The following CBFA2T3 variants were observed in gnomAD, a reference collection of about 807,000 sequenced individuals.
The protein encoded by CBFA2T3 is transcriptional corepressor CBFA2T3.
A neutral mutation model predicts 58.6 loss-of-function variants in CBFA2T3; 31 were observed. The ratio of observed to expected loss-of-function variants is 0.53; its 90% CI spans 0.40 to 0.71. The LOEUF (loss-of-function observed/expected upper bound fraction) is 0.71, where lower values mean the gene tolerates loss of function less well. Ranked by LOEUF, CBFA2T3 falls within the 30% of genes least tolerant of loss-of-function variation. The pLI, the probability that CBFA2T3 is intolerant of heterozygous loss-of-function variation, is 0.00. For missense variants in CBFA2T3, 1,076 were observed against 963.1 expected (o/e 1.12, Z -1.55); for synonymous variants, 531 against 421.9 (o/e 1.26, Z -3.17).
At chr16:88,974,935 C>G (rs954016771) in intron 1 of CBFA2T3, among the ~76,000 whole-genome samples, 1 of 152,206 alleles carries the variant, frequency 6.6e-6, no homozygotes, top group Non-Finnish European at 1.5e-5. Context: ...CCTGATGTGG[C>G]TAAGGCTGTC....
At chr16:88,938,207 G>C (rs1419405490) in intron 1 of CBFA2T3, 1 of 152,338 alleles carries the variant, frequency 6.6e-6, no homozygotes, top group Non-Finnish European at 1.5e-5. Context: ...TGCACCTACA[G>C]TGCTAACCCC....
intron 10 of CBFA2T3, chr16:88,879,723 T>G (rs931034111): frequency 1.1e-5 from 5 of 463,844 alleles, no homozygotes; most frequent in Middle Eastern, 5.6e-4. Flanking sequence ...CAGGCATGTG[T>G]GTGCAAAGCT....
rs779591431 is a variant in CBFA2T3, at chr16:88,881,369, C to G, written c.1324G>C (p.Glu442Gln). The change falls in exon 9 of 12, where the codon GAG becomes CAG. Residue 442 changes from glutamate to glutamine, a missense_variant. Glu to Gln is a conservative substitution (Grantham distance 29). Coordinates refer to ENST00000268679, the MANE Select transcript of CBFA2T3 (RefSeq NM_005187.6). ...NHWARRYSDAEDTKKGPAPAA... is the reference protein window; with the variant it reads ...NHWARRYSDAQDTKKGPAPAA... ...GGAGCGGGGCCCTTCTTTGTGTCCT[C>G]GGCGTCGCTGTAGCGCCGCGCCCAG... 8.2e-6 allele frequency: 13 copies of G among 1,588,204 alleles called. No homozygotes were observed. The African/African-American group carries it at 1.6e-4, about 20-fold the overall frequency.
chr16:88,886,488 G>A (rs994076394), intron 5 of CBFA2T3: 6 of 221,844 alleles, frequency 2.7e-5, no homozygotes, highest in Non-Finnish European at 4.4e-5. Context: ...GAGGACGAAG[G>A]GGCAGCAGAT....
At chr16:88,895,546 G>T (rs558095929) in intron 3 of CBFA2T3, among the ~76,000 whole-genome samples, 1 of 152,116 alleles carries the variant, frequency 6.6e-6, no homozygotes, top group Non-Finnish European at 1.5e-5. Flanking sequence ...CCCACACACC[G>T]AGCAAACAGC....
chr16:88,957,318 C>T (rs1184151299), intron 1 of CBFA2T3, among the ~76,000 whole-genome samples: 8 of 152,242 alleles, frequency 5.3e-5, no homozygotes, highest in African/African-American at 7.2e-5. Context: ...GGGACACCCC[C>T]GCCCCCACGG....
intron 1 of CBFA2T3, among the ~76,000 whole-genome samples, chr16:88,913,418 G>T (rs917177200): frequency 2.6e-5 from 4 of 152,262 alleles, no homozygotes; most frequent in Admixed American, 6.5e-5. Context: ...GCCACTGTTT[G>T]AGGGTAGCTT....
chr16:88,876,115 A>G lies in CBFA2T3; in HGVS notation c.*861T>C, dbSNP rs967865942. 3 of 226,250 alleles carry G rather than the reference A, an allele frequency of 1.3e-5. No homozygotes were observed. Among genetic ancestry groups the G allele is most frequent in the East Asian group, 6.3e-5 (1 of 15,822 alleles). 14.0% of individuals were successfully genotyped at this position (226,250 alleles called of 1,614,324 possible). ...TGAAAAAAATACTTTGGCAGTGACA[A>G]ACAAATTTTGGATTTTGATTTCTTG... On this transcript the variant is annotated 3_prime_UTR_variant, in exon 12 of 12. Transcript: ENST00000268679.
At chr16:88,901,291 G>A (rs1295724661) in intron 2 of CBFA2T3, among the ~76,000 whole-genome samples, 1 of 152,238 alleles carries the variant, frequency 6.6e-6, no homozygotes, top group Non-Finnish European at 1.5e-5. Flanking sequence ...AGGCCCCCCG[G>A]AGGGCAAGGA....
At chr16:88,950,262 T>C (rs1341831848) in intron 1 of CBFA2T3, 1 of 423,818 alleles carries the variant, frequency 2.4e-6, no homozygotes, top group African/African-American at 2.1e-5. Context: ...TCCAGGTCTG[T>C]TCACCCGTCC....
intron 1 of CBFA2T3, among the ~76,000 whole-genome samples, chr16:88,941,595 G>A (rs1386338606): frequency 2.7e-5 from 4 of 147,882 alleles, no homozygotes; most frequent in African/African-American, 9.8e-5. Context: ...GAGGGGAGAG[G>A]GGCGCGGGGA....
intron 1 of CBFA2T3, among the ~76,000 whole-genome samples, chr16:88,905,765 T>C (rs978037506): frequency 1.3e-4 from 1 of 7,870 alleles, no homozygotes; most frequent in Non-Finnish European, 2.7e-4. Flanking sequence ...TGAAGGACGG[T>C]GGGGATGAGG....
At chr16:88,936,172 T>G (rs967054931) in intron 1 of CBFA2T3, among the ~76,000 whole-genome samples, 8 of 152,008 alleles carry the variant, frequency 5.3e-5, no homozygotes, top group African/African-American at 1.9e-4. Flanking sequence ...TCCTCATGAG[T>G]TCCATGTGTG....
intron 7 of CBFA2T3, 70 bp from the exon 8 acceptor site, chr16:88,882,831 G>T: frequency 1.9e-6 from 2 of 1,066,134 alleles, no homozygotes; most frequent in Non-Finnish European, 2.8e-6. Context: ...CCCAGACCCC[G>T]CCCTCTGCTC....
chr16:88,907,502 A>G (rs564650467), intron 1 of CBFA2T3, among the ~76,000 whole-genome samples: 5 of 152,192 alleles, frequency 3.3e-5, no homozygotes, highest in African/African-American at 1.2e-4. Context: ...CAGAGGACCA[A>G]CTCTGTCCTC....
chr16:88,908,626 G>T (rs867496121), intron 1 of CBFA2T3, among the ~76,000 whole-genome samples: 7 of 152,346 alleles, frequency 4.6e-5, no homozygotes, highest in African/African-American at 1.4e-4. Flanking sequence ...CAGCCTGGGA[G>T]TTCCAGAACT....
chr16:88,936,267 C>G (rs1567620202), intron 1 of CBFA2T3, among the ~76,000 whole-genome samples: 1 of 152,176 alleles, frequency 6.6e-6, no homozygotes, highest in Non-Finnish European at 1.5e-5. Context: ...CCATCCTGGT[C>G]TCCGGCAGGT....
chr16:88,897,251 C>A (rs368864562), intron 3 of CBFA2T3, among the ~76,000 whole-genome samples: 21 of 152,372 alleles, frequency 1.4e-4, no homozygotes, highest in African/African-American at 5.0e-4. Context: ...AGGCCCATCA[C>A]AGAATAATGG....
chr16:88,882,615 T>C (rs1200693241), intron 8 of CBFA2T3, 61 bp downstream of exon 8: 47 of 1,039,262 alleles, frequency 4.5e-5, no homozygotes, highest in South Asian at 4.1e-4. Context: ...CGTGGCTGTG[T>C]GTGTGCGTGG....
Sources: allele counts gnomAD v4.1 joint callset (sites outside exome capture counted in the v4.1 genomes callset), GRCh38; gene constraint gnomAD v4.1.1; transcripts MANE v1.5; gene names NCBI Gene and HGNC (gene_info 2026-07-23, HGNC 2026-07-21).